WDR45B: variants seen among roughly 807,000 people sequenced by gnomAD.
The protein encoded by WDR45B is WD repeat domain 45B, also known as WD repeat domain phosphoinositide-interacting protein 3.
A neutral mutation model predicts 44.6 loss-of-function variants in WDR45B; 20 were observed. The ratio of observed to expected loss-of-function variants is 0.45; its 90% CI spans 0.32 to 0.65. WDR45B has a LOEUF of 0.65. Among genes scored for constraint, WDR45B ranks in the 30% least tolerant of loss-of-function variants. The pLI is 0.05. For synonymous variants in WDR45B, 169 were observed against 164.9 expected (o/e 1.02, Z -0.19); for missense variants, 323 against 430.2 (o/e 0.75, Z 2.20).
chr17:82,618,589 T>C (rs2143248858), intron 7 of WDR45B, among the ~76,000 whole-genome samples: 1 of 152,146 alleles, frequency 6.6e-6, no homozygotes, highest in Admixed American at 6.5e-5. Context: ...ACACAACAAT[T>C]AGCCGGGCGT....
In WDR45B at chr17:82,619,758, A is replaced by C. The variant is rs528168704; in HGVS notation, c.619-630T>G. On this transcript the variant is annotated intron_variant, in intron 6 of 9. Transcript: ENST00000392325. ...AACACTCTGACAACATCCAACAAAAAATCTTTATATCCTTCAACCCAGCAG... is the reference window on the plus strand; with the variant it reads ...AACACTCTGACAACATCCAACAAAACATCTTTATATCCTTCAACCCAGCAG... Among the ~76,000 whole-genome samples, 5 of 152,184 alleles carry C rather than the reference A, an allele frequency of 3.3e-5. No homozygotes were observed. The East Asian group carries it at 9.7e-4, about 29-fold the overall frequency.
At chr17:82,644,334 A>G (rs2045951673) in intron 1 of WDR45B, 1 of 426,514 alleles carries the variant, frequency 2.3e-6, no homozygotes, top group Non-Finnish European at 4.4e-6. Context: ...CGTGAAGGAC[A>G]CTTCTAGAGG....
At chr17:82,632,204 C>A (rs982059115) in intron 2 of WDR45B, among the ~76,000 whole-genome samples, 8 of 152,170 alleles carry the variant, frequency 5.3e-5, no homozygotes, top group Middle Eastern at 6.8e-3. Flanking sequence ...CTGTGTTGCT[C>A]AGGCTTGAGT....
At chr17:82,623,395 A>AT (rs1296101063) in intron 5 of WDR45B, among the ~76,000 whole-genome samples, 1 of 147,438 alleles carries the variant, frequency 6.8e-6, no homozygotes, top group African/African-American at 2.5e-5. Context: ...TCCAAAAAAA[A>AT]AAAAAAAACA....
intron 3 of WDR45B, among the ~76,000 whole-genome samples, chr17:82,628,476 C>T (rs960845272): frequency 3.9e-5 from 6 of 152,148 alleles, no homozygotes; most frequent in Admixed American, 2.0e-4. Context: ...CGGTGGCTCA[C>T]GCCTGTAATC....
At chr17:82,623,432 T>C (rs1598263062) in intron 5 of WDR45B, among the ~76,000 whole-genome samples, 1 of 144,414 alleles carries the variant, frequency 6.9e-6, no homozygotes, top group African/African-American at 2.6e-5. Flanking sequence ...CTGGGCGCGG[T>C]GGCTCACGCC....
At chr17:82,635,736 C>T (rs2045824456) in intron 2 of WDR45B, among the ~76,000 whole-genome samples, 1 of 151,914 alleles carries the variant, frequency 6.6e-6, no homozygotes, top group Non-Finnish European at 1.5e-5. Context: ...TTTTCAAGTT[C>T]TAAAAGCAAC....
At chr17:82,637,849 C>A (rs185377418) in intron 2 of WDR45B, among the ~76,000 whole-genome samples, 2 of 151,638 alleles carry the variant, frequency 1.3e-5, no homozygotes, top group African/African-American at 2.4e-5. Flanking sequence ...GCAGAGGGTA[C>A]GGCCTTCTCT....
intron 2 of WDR45B, among the ~76,000 whole-genome samples, chr17:82,640,170 C>T (rs1323829377): frequency 6.6e-6 from 1 of 152,114 alleles, no homozygotes; most frequent in Admixed American, 6.5e-5. Flanking sequence ...GAAACAGCAG[C>T]CTGCTCAGAG....
At position 82,645,158 on chromosome 17, in the gene WDR45B, C is replaced by T. The variant is rs137957977; in HGVS notation, c.68-1135G>A. On this transcript the variant is annotated intron_variant, in intron 1 of 9. Coordinates refer to ENST00000392325, the MANE Select transcript of WDR45B (RefSeq NM_019613.4). ...TAGAAATACCAAAAAATTAGCCAGT[C>T]GTGGTGGTGAGCGCCTGTAATCCCA... is the stretch of plus-strand genomic sequence containing the variant. Among the ~76,000 whole-genome samples the T allele has an allele frequency of 7.9e-5, 12 of 152,116 alleles. No individual in the cohort carries two copies. In the East Asian group the frequency reaches 2.1e-3, roughly 27 times the overall value.
intron 5 of WDR45B, among the ~76,000 whole-genome samples, chr17:82,624,588 C>G (rs2045667708): frequency 6.7e-6 from 1 of 148,230 alleles, no homozygotes; most frequent in South Asian, 2.2e-4. Context: ...GTGACGGTGG[C>G]TACACAACTG....
At chr17:82,630,562 T>C (rs2045754057) in intron 3 of WDR45B, among the ~76,000 whole-genome samples, 1 of 152,202 alleles carries the variant, frequency 6.6e-6, no homozygotes, top group African/African-American at 2.4e-5. Context: ...TCCACGTGGC[T>C]ATGAAACTAA....
chr17:82,630,761 G>A (rs1040301949), intron 3 of WDR45B, among the ~76,000 whole-genome samples, 160 bp downstream of exon 3: 1 of 152,190 alleles, frequency 6.6e-6, no homozygotes, highest in African/African-American at 2.4e-5. Context: ...TGGGAATAGA[G>A]ACCTGGTGCC....
rs1352267738 is a variant in WDR45B at position 82,615,883 on chromosome 17, G to A, written c.*36C>T. 5 of 1,591,952 alleles carry A rather than the reference G, an allele frequency of 3.1e-6. No homozygotes were observed. Among genetic ancestry groups the A allele is most frequent in the African/African-American group, 1.3e-5 (1 of 74,370 alleles). ...GCACCAGCCCCGAGAGTCTGAAGGC[G>A]GCAGGTGGTGGGTGCTGTGGCGCCC... On this transcript the variant is annotated 3_prime_UTR_variant, in exon 10 of 10. Transcript: ENST00000392325.
intron 1 of WDR45B, among the ~76,000 whole-genome samples, chr17:82,647,826 G>C (rs1394294722): frequency 2.0e-5 from 3 of 151,988 alleles, no homozygotes; most frequent in African/African-American, 4.8e-5. Context: ...GAAAGGAACA[G>C]GGGGCAAAAC....
chr17:82,646,229 G>A (rs998370247), intron 1 of WDR45B, among the ~76,000 whole-genome samples: 2 of 151,052 alleles, frequency 1.3e-5, no homozygotes, highest in African/African-American at 4.9e-5. Flanking sequence ...CGTGGCTCAC[G>A]CCTGTAACCC....
At chr17:82,642,181 G>A (rs957445226) in intron 2 of WDR45B, among the ~76,000 whole-genome samples, 16 of 152,006 alleles carry the variant, frequency 1.1e-4, no homozygotes, top group African/African-American at 3.9e-4. Context: ...GTACTGGTCC[G>A]TGGCCTGTTA....
intron 9 of WDR45B, 68 bp downstream of exon 9, chr17:82,616,456 T>G: frequency 6.2e-6 from 10 of 1,610,988 alleles, no homozygotes; most frequent in East Asian, 4.5e-5. Context: ...GGAAGTTAGG[T>G]CTGACGCTCA....
chr17:82,621,742 T>C lies in WDR45B; in HGVS notation c.485A>G (p.His162Arg), dbSNP rs781483135. 1 of 1,614,178 alleles carries C rather than the reference T, an allele frequency of 6.2e-7. No homozygotes were observed. The highest frequency in any genetic ancestry group is 8.5e-7 in the Non-Finnish European group (1 of 1,180,028). ...GTCCACAAGCTGCACATGGCCCGTG[T>C]GCGTGCCCGGAAAGGCCAGGAGGGA... is the stretch of plus-strand genomic sequence containing the variant. ...NNSLLAFPGT[H>R]TGHVQLVDLA... The change falls in exon 6 of 10, where the codon CAC becomes CGC. Residue 162 changes from histidine (H) to arginine (R), a missense_variant. Transcript: ENST00000392325.
Sources: gnomAD v4.1 joint callset for allele counts (sites outside exome capture counted in the v4.1 genomes callset) on GRCh38, gnomAD v4.1.1 for gene constraint, MANE v1.5 for transcripts, NCBI Gene and HGNC (gene_info 2026-07-23, HGNC 2026-07-21) for gene names.